Variants in VPS13A observed in about 807,000 individuals in gnomAD.
VPS13A encodes vacuolar protein sorting 13 homolog A.
In VPS13A, 264 loss-of-function variants were observed where a neutral mutation model predicts 390.9. That is an observed-to-expected ratio of 0.68 (90% CI 0.61 to 0.75). The LOEUF is 0.75. Ranked by LOEUF, VPS13A falls within the 30% of genes least tolerant of loss-of-function variation. The pLI is 0.00. For synonymous variants in VPS13A, 1,231 were observed against 1,227.1 expected, an observed-to-expected ratio of 1.00 and a Z score of -0.07; for missense variants, 3,409 against 3,733.9, an observed-to-expected ratio of 0.91 and a Z score of 2.27.
intron 33 of VPS13A, among the ~76,000 whole-genome samples, chr9:77,301,437 G>A (rs928428902): frequency 6.6e-6 from 1 of 152,156 alleles, no homozygotes; most frequent in African/African-American, 2.4e-5. Context: ...CAAGCATGCA[G>A]GCATATGTAA....
intron 20 of VPS13A, 54 bp from the exon 21 acceptor site, chr9:77,250,036 CACTTTAT>C: frequency 3.2e-6 from 5 of 1,564,922 alleles, no homozygotes; most frequent in Non-Finnish European, 4.4e-6. Flanking sequence ...AAAAATTAAA[CACTTTAT>C]ACTTACATTT....
chr9:77,196,358 A>G (rs1010726633), intron 1 of VPS13A, among the ~76,000 whole-genome samples: 14 of 152,174 alleles, frequency 9.2e-5, no homozygotes, highest in Non-Finnish European at 1.3e-4. Context: ...TCTTCTAGCT[A>G]TGTTAAAACA....
chr9:77,216,443 G>A (rs1278236455), intron 10 of VPS13A, among the ~76,000 whole-genome samples: 1 of 152,134 alleles, frequency 6.6e-6, no homozygotes, highest in Non-Finnish European at 1.5e-5. Context: ...GGAGAAACGG[G>A]GGACAGTTTC....
intron 1 of VPS13A, among the ~76,000 whole-genome samples, chr9:77,194,226 G>A (rs918570149): frequency 6.6e-5 from 10 of 152,268 alleles, no homozygotes; most frequent in Admixed American, 6.5e-4. Flanking sequence ...GGTGCTCTCT[G>A]GTGGTTACCT....
rs1823576750 is a variant in VPS13A, at chr9:77,227,375, T to G, written c.1358-16T>G. ...TTTTTATTTAAGAACATAAAGCACT[T>G]CTTTCTGATTTGTAGCTCTTGAAGA... On this transcript the variant is annotated splice_polypyrimidine_tract_variant and intron_variant, in intron 15 of 71. Transcript: ENST00000360280. 3 of 1,576,742 alleles carry G rather than the reference T, an allele frequency of 1.9e-6. No homozygotes were observed. In the South Asian group the frequency reaches 3.3e-5, roughly 17 times the overall value.
chr9:77,346,710 A>G (rs1831174731), intron 52 of VPS13A, among the ~76,000 whole-genome samples: 1 of 152,166 alleles, frequency 6.6e-6, no homozygotes, highest in South Asian at 2.1e-4. Context: ...AAGGTGAGAG[A>G]TGAGAATCCA....
chr9:77,281,665 G>C (rs1041992184), intron 27 of VPS13A, among the ~76,000 whole-genome samples: 1 of 151,888 alleles, frequency 6.6e-6, no homozygotes, highest in African/African-American at 2.4e-5. Flanking sequence ...GTGCCAGAGA[G>C]TCCAATACTT....
rs151109973 is a variant in VPS13A, at chr9:77,334,127, A to T, written c.6095+2014A>T. Among the ~76,000 whole-genome samples, 5 of 152,348 alleles carry T rather than the reference A, an allele frequency of 3.3e-5. No individual in the cohort carries two copies. The East Asian group carries it at 5.8e-4, about 18-fold the overall frequency. ...GATTAGAAGGAAAAGGCTATCTAAG[A>T]GGAAGGCATGCATGAACAAAGATAA... On this transcript the variant is annotated intron_variant, in intron 46 of 71. Coordinates refer to ENST00000360280, the MANE Select transcript of VPS13A (RefSeq NM_033305.3).
intron 33 of VPS13A, among the ~76,000 whole-genome samples, chr9:77,297,082 A>G (rs878912627): frequency 1.4e-5 from 2 of 146,452 alleles, no homozygotes; most frequent in East Asian, 4.1e-4. Context: ...TTTTGGTTTT[A>G]TTTTTTTTTC....
At chr9:77,330,405 T>A (rs1830222815) in intron 45 of VPS13A, among the ~76,000 whole-genome samples, 1 of 152,188 alleles carries the variant, frequency 6.6e-6, no homozygotes, top group African/African-American at 2.4e-5. Context: ...ACTTTTGATC[T>A]TTCCTTGAAA....
chr9:77,181,515 CAAA>C (rs1161800764), intron 1 of VPS13A, among the ~76,000 whole-genome samples: 6 of 80,290 alleles, frequency 7.5e-5, no homozygotes, highest in Non-Finnish European at 5.0e-5. Context: ...GACCCTGCCT[CAAA>C]AAAAAAAAAA....
intron 67 of VPS13A, 149 bp from the exon 68 acceptor site, chr9:77,381,827 A>G (rs1037839437): frequency 1.1e-4 from 65 of 599,580 alleles, no homozygotes; most frequent in Non-Finnish European, 1.7e-4. Flanking sequence ...GAGAACTTAC[A>G]CTGTTTATGT....
intron 50 of VPS13A, among the ~76,000 whole-genome samples, chr9:77,343,567 G>C (rs1830959268): frequency 6.6e-6 from 1 of 152,078 alleles, no homozygotes; most frequent in Admixed American, 6.6e-5. Context: ...CTTCTCTGTA[G>C]TACCTTGACT....
At chr9:77,237,944 T>C in intron 17 of VPS13A, 58 bp from the exon 18 acceptor site, 10 of 1,355,524 alleles carry the variant, frequency 7.4e-6, no homozygotes, top group Non-Finnish European at 1.0e-5. Context: ...ATTTTCAATT[T>C]TTAAAATCCT....
At position 77,407,360 on chromosome 9, in the gene VPS13A, T is replaced by A. The variant is rs183051838; in HGVS notation, c.9400-173T>A. Among the ~76,000 whole-genome samples the A allele has an allele frequency of 2.6e-5, 4 of 152,314 alleles. No homozygotes were observed. The East Asian group carries it at 7.7e-4, about 29-fold the overall frequency. ...GTTGTGTTATTAATAGAATGTAGTC[T>A]TTTTTTCTATTGGTTTTGATTCTTC... On this transcript the variant is annotated intron_variant, in intron 70 of 71. Coordinates refer to ENST00000360280, the MANE Select transcript of VPS13A (RefSeq NM_033305.3).
chr9:77,284,692 A>G (rs1370670284), intron 31 of VPS13A, among the ~76,000 whole-genome samples: 1 of 151,840 alleles, frequency 6.6e-6, no homozygotes, highest in Non-Finnish European at 1.5e-5. Context: ...TTTCTCTGTA[A>G]TTTTATTTTA....
At chr9:77,400,640 T>A (rs1563992080) in intron 68 of VPS13A, among the ~76,000 whole-genome samples, 1 of 151,426 alleles carries the variant, frequency 6.6e-6, no homozygotes, top group East Asian at 2.0e-4. Flanking sequence ...CTGGCTAACA[T>A]GGTGAAACCC....
At chr9:77,259,433 C>T (rs1344391130) in intron 22 of VPS13A, among the ~76,000 whole-genome samples, 1 of 152,100 alleles carries the variant, frequency 6.6e-6, no homozygotes, top group African/African-American at 2.4e-5. Context: ...TGTAGGACTC[C>T]AGTACATTTT....
At chr9:77,280,366 C>G in intron 27 of VPS13A, 128 bp downstream of exon 27, 1 of 701,394 alleles carries the variant, frequency 1.4e-6, no homozygotes, top group East Asian at 3.0e-5. Context: ...ACTCCTAATA[C>G]TAAGGTTTTT....
Sources: gnomAD v4.1 joint callset for allele counts (sites outside exome capture counted in the v4.1 genomes callset) on GRCh38, gnomAD v4.1.1 for gene constraint, MANE v1.5 for transcripts, NCBI Gene and HGNC (gene_info 2026-07-23, HGNC 2026-07-21) for gene names.